SPRR1A: variants seen among roughly 807,000 people sequenced by gnomAD.
SPRR1A encodes the protein cornifin-A.
For missense variants in SPRR1A, 123 were observed against 105.4 expected (o/e 1.17, Z -0.73); for synonymous variants, 40 against 39.2 (o/e 1.02, Z -0.07).
exon 1 of SPRR1A, chr1:152,985,430 C>A: frequency 6.2e-7 from 1 of 1,607,504 alleles, no homozygotes; most frequent in Non-Finnish European, 8.5e-7. Flanking sequence ...CCCTGCCAGC[C>A]CAAGGTGCCT....
chr1:152,985,370 A>C (rs1237585935), exon 1 of SPRR1A: 12 of 1,572,238 alleles, frequency 7.6e-6, no homozygotes, highest in Non-Finnish European at 7.9e-6. Flanking sequence ...AAGGTGCCTG[A>C]GCCCTGCCAC....
downstream of SPRR1A, chr1:152,985,628 C>T: frequency 6.9e-7 from 1 of 1,445,214 alleles, no homozygotes; most frequent in South Asian, 1.4e-5. Flanking sequence ...ATCATAATCG[C>T]TCCTTTGCAC....
chr1:152,984,236 T>C (rs904808618), upstream of SPRR1A, among the ~76,000 whole-genome samples: 11 of 152,128 alleles, frequency 7.2e-5, no homozygotes, highest in African/African-American at 2.7e-4. Context: ...CAATGGGAGA[T>C]AGAGAATAGT....
At chr1:152,985,550 C>G, downstream of SPRR1A, 1 of 1,563,064 alleles carries the variant, frequency 6.4e-7, no homozygotes, top group Non-Finnish European at 8.6e-7. Flanking sequence ...ATACTGAACA[C>G]CCTACTCCAT....
upstream of SPRR1A, among the ~76,000 whole-genome samples, chr1:152,984,474 G>T (rs1282947252): frequency 6.6e-6 from 1 of 152,056 alleles, no homozygotes; most frequent in Admixed American, 6.6e-5. Context: ...TTTATTAGAT[G>T]GATCTCTACT....
chr1:152,985,184 A>T (rs1439655910), upstream of SPRR1A: 9 of 1,544,828 alleles, frequency 5.8e-6, no homozygotes, highest in Non-Finnish European at 7.0e-6. Flanking sequence ...TCTTTAATTG[A>T]ATCACTGTGT....
upstream of SPRR1A, chr1:152,985,091 G>T: frequency 8.5e-7 from 1 of 1,181,286 alleles, no homozygotes; most frequent in Non-Finnish European, 1.2e-6. Flanking sequence ...AAATGTAATG[G>T]GGGAGTTAAG....
At chr1:152,985,608 G>C (rs949364693), downstream of SPRR1A, 139 of 1,502,132 alleles carry the variant, frequency 9.3e-5, no homozygotes, top group African/African-American at 1.5e-3. Context: ...TTAGCATGCT[G>C]TCACCCTGAA....
upstream of SPRR1A, chr1:152,985,081 A>C: frequency 8.8e-7 from 1 of 1,141,210 alleles, no homozygotes; most frequent in South Asian, 1.8e-5. Context: ...TTTCATTTTT[A>C]AATGTAATGG....
At chr1:152,984,293 C>G (rs1652237870), upstream of SPRR1A, among the ~76,000 whole-genome samples, 1 of 151,954 alleles carries the variant, frequency 6.6e-6, no homozygotes, top group African/African-American at 2.4e-5. Context: ...TTTGAAAGGA[C>G]CTTAGAGATG....
Position 152,985,266 on chromosome 1 carries a change from AC to A in SPRR1A, c.41del (p.Pro14LeufsTer8). On this transcript the variant is annotated frameshift_variant, in exon 1 of 1. Transcript: ENST00000368762. LOFTEE classifies it low-confidence loss of function (END_TRUNC). Reference sequence around the variant, plus strand: ...AGCAGCAGAAGCAGCCTTGCACCCCACCCCCTCAGCCTCAGCAGCAGCAGGT... The same window carrying A: ...AGCAGCAGAAGCAGCCTTGCACCCCACCCCTCAGCCTCAGCAGCAGCAGGT... 2 of 1,612,886 alleles carry A rather than the reference AC, an allele frequency of 1.2e-6. No individual in the cohort carries two copies. The highest frequency in any genetic ancestry group is 1.7e-6 in the Non-Finnish European group (2 of 1,179,638).
At chr1:152,985,181 T>C, upstream of SPRR1A, 1 of 1,541,500 alleles carries the variant, frequency 6.5e-7, no homozygotes, top group Non-Finnish European at 8.7e-7. Flanking sequence ...CTTTCTTTAA[T>C]TGAATCACTG....
At chr1:152,985,303 T>G (rs780543316) in exon 1 of SPRR1A, 7 of 1,613,682 alleles carry the variant, frequency 4.3e-6, no homozygotes, top group Non-Finnish European at 8.5e-7. Context: ...GAAACAACCT[T>G]GCCAGCCTCC....
At chr1:152,984,794 A>C (rs1353661904), upstream of SPRR1A, among the ~76,000 whole-genome samples, 1 of 152,078 alleles carries the variant, frequency 6.6e-6, no homozygotes, top group Non-Finnish European at 1.5e-5. Context: ...CCAGAAGCAA[A>C]ACCATAGAGG....
At chr1:152,985,538 G>A, downstream of SPRR1A, 1 of 1,586,340 alleles carries the variant, frequency 6.3e-7, no homozygotes, top group Non-Finnish European at 8.6e-7. Context: ...GCTGGCCACT[G>A]GATACTGAAC....
chr1:152,985,221 C>T (rs1324559394), upstream of SPRR1A: 1 of 1,594,170 alleles, frequency 6.3e-7, no homozygotes. Flanking sequence ...GAAAAAAACA[C>T]ATTTGAAGCA....
At chr1:152,985,293 G>A (rs2101560396) in exon 1 of SPRR1A, 1 of 1,613,898 alleles carries the variant, frequency 6.2e-7, no homozygotes, top group East Asian at 2.2e-5. Context: ...AGCAGCAGGT[G>A]AAACAACCTT....
chr1:152,984,561 T>C (rs948959101), upstream of SPRR1A, among the ~76,000 whole-genome samples: 1 of 152,120 alleles, frequency 6.6e-6, no homozygotes, highest in Non-Finnish European at 1.5e-5. Context: ...TTAACAAACA[T>C]AAAACCTAGC....
exon 1 of SPRR1A, chr1:152,985,321 G>A (rs1652275902): frequency 6.2e-7 from 1 of 1,613,612 alleles, no homozygotes; most frequent in Non-Finnish European, 8.5e-7. Flanking sequence ...TCCACCCCAG[G>A]AACCATGCAT....
Sources: allele counts gnomAD v4.1 joint callset (sites outside exome capture counted in the v4.1 genomes callset), GRCh38; gene constraint gnomAD v4.1.1; transcripts MANE v1.5; gene names NCBI Gene and HGNC (gene_info 2026-07-23, HGNC 2026-07-21).